DPYSL3: variants seen among roughly 807,000 people sequenced by gnomAD.
DPYSL3 encodes the protein dihydropyrimidinase-related protein 3.
In DPYSL3, 16 loss-of-function variants were observed where a neutral mutation model predicts 66.1. The ratio of observed to expected loss-of-function variants is 0.24; its 90% CI spans 0.16 to 0.37. The LOEUF is 0.37. Ranked by LOEUF, DPYSL3 falls within the 10% of genes least tolerant of loss-of-function variation. The pLI, the probability that DPYSL3 is intolerant of heterozygous loss-of-function variation, is 1.00. For missense variants in DPYSL3, 738 were observed against 916.2 expected (o/e 0.81, Z 2.51); for synonymous variants, 338 against 345.1 (o/e 0.98, Z 0.23).
Position 147,509,672 on chromosome 5 carries a change from T to C in DPYSL3, c.187A>G (p.Lys63Glu). 6.5e-7 allele frequency: 1 copy of C among 1,535,814 alleles called. No individual in the cohort carries two copies. The highest frequency in any genetic ancestry group is 8.7e-7 in the Non-Finnish European group (1 of 1,146,732). The change falls in exon 1 of 14, where the codon AAG (lysine) becomes GAG (glutamate). Residue 63 changes from lysine (K) to glutamate (E), a missense_variant. Transcript: ENST00000343218. The surrounding 1 kb of genome is among the most constrained non-coding windows in gnomAD (Gnocchi z 5.3). ...DALSVGQRGA[K>E]TPRSGQGSDR... ...CTGCCCTGGCCGCTCCGAGGAGTCT[T>C]CGCGCCCCGCTGCCCCACGCTGAGG...
intron 1 of DPYSL3, among the ~76,000 whole-genome samples, chr5:147,442,801 G>A (rs574341332): frequency 1.3e-4 from 20 of 151,480 alleles, no homozygotes; most frequent in Admixed American, 6.6e-4. Context: ...ATAAAACAGC[G>A]TAAACAATAT....
intron 1 of DPYSL3, among the ~76,000 whole-genome samples, chr5:147,451,025 A>T (rs951059552): frequency 1.3e-4 from 20 of 152,254 alleles, no homozygotes; most frequent in Non-Finnish European, 4.4e-5. Flanking sequence ...TTACAACTAT[A>T]TCTAGAAAAG....
At chr5:147,400,274 G>A (rs562586935) in intron 10 of DPYSL3, among the ~76,000 whole-genome samples, 49 of 152,196 alleles carry the variant, frequency 3.2e-4, no homozygotes, top group Admixed American at 1.2e-3. Flanking sequence ...CTCAGTACAG[G>A]GCGTCCTTGA....
chr5:147,466,856 G>A (rs1581208158), intron 1 of DPYSL3, among the ~76,000 whole-genome samples: 1 of 152,260 alleles, frequency 6.6e-6, no homozygotes, highest in African/African-American at 2.4e-5. Flanking sequence ...TCCGTTTTGC[G>A]GGGGAAAGTA....
At position 147,424,929 on chromosome 5, in the gene DPYSL3, A is replaced by G; in HGVS notation, c.416T>C (p.Val139Ala). 1 of 1,613,406 alleles carries G rather than the reference A, an allele frequency of 6.2e-7. No individual in the cohort carries two copies. Among genetic ancestry groups the G allele is most frequent in the Non-Finnish European group, 8.5e-7 (1 of 1,179,624 alleles). The part of the protein sequence containing the change: ...DRLLIKGGRI[V>A]NDDQSFYADI... ...AGCATAAAAGGACTGATCATCATTG[A>G]CGATTCTGCCTCCCTTGATAAGGAG... Residue 139 changes from valine to alanine, a missense_variant, in exon 2 of 14, where the codon GTC becomes GCC. Val to Ala is a moderately conservative substitution (Grantham distance 64). Coordinates refer to ENST00000343218, the MANE Select transcript of DPYSL3 (RefSeq NM_001197294.2).
intron 1 of DPYSL3, among the ~76,000 whole-genome samples, chr5:147,497,893 C>G (rs1753544867): frequency 6.6e-6 from 1 of 151,630 alleles, no homozygotes; most frequent in African/African-American, 2.4e-5. Context: ...ATCCTTCCTT[C>G]CCTTCTCTCT....
chr5:147,502,836 A>G (rs1003769933), intron 1 of DPYSL3, among the ~76,000 whole-genome samples: 1 of 152,240 alleles, frequency 6.6e-6, no homozygotes, highest in East Asian at 1.9e-4. Flanking sequence ...TTGCCCTCCC[A>G]AAGTGCTGGG....
In DPYSL3 at chr5:147,418,447, T is replaced by G; in HGVS notation, c.655A>C (p.Ile219Leu). Residue 219 changes from isoleucine to leucine, a missense_variant and splice_region_variant, in exon 3 of 14, where the codon ATT becomes CTT. Coordinates refer to ENST00000343218, the MANE Select transcript of DPYSL3 (RefSeq NM_001197294.2). ...AALAGGTTMI[I>L]DHVVPEPESS... ...GAGTGTGTAAAATATGAAGACTTAC[T>G]GATCATGGTGGTGCCACCTGCTAAG... is the stretch of plus-strand genomic sequence containing the variant. 1 of 1,600,610 alleles carries G rather than the reference T, an allele frequency of 6.2e-7. No homozygotes were observed. The highest frequency in any genetic ancestry group is 8.5e-7 in the Non-Finnish European group (1 of 1,172,376).
At chr5:147,429,185 C>T (rs1752261024) in intron 1 of DPYSL3, among the ~76,000 whole-genome samples, 1 of 152,110 alleles carries the variant, frequency 6.6e-6, no homozygotes, top group African/African-American at 2.4e-5. Flanking sequence ...GTTTCTGGAA[C>T]CCAAAATGAA....
chr5:147,399,841 G>A (rs1387026124), intron 10 of DPYSL3, among the ~76,000 whole-genome samples: 1 of 152,158 alleles, frequency 6.6e-6, no homozygotes, highest in East Asian at 1.9e-4. Context: ...CATACGTACT[G>A]CTCTGCAGTA....
chr5:147,448,040 T>C (rs1283834932), intron 1 of DPYSL3, among the ~76,000 whole-genome samples: 1 of 152,086 alleles, frequency 6.6e-6, no homozygotes, highest in Non-Finnish European at 1.5e-5. Flanking sequence ...CCCTATAAAA[T>C]ATGTCAATAG....
chr5:147,418,670 G>A lies in DPYSL3; in HGVS notation c.471-39C>T, dbSNP rs566333412. 224 of 1,523,898 alleles carry A rather than the reference G, an allele frequency of 1.5e-4. 1 individual carries two copies. The South Asian group carries it at 2.6e-3, about 18-fold the overall frequency. The allele number at this position is 1,523,898 out of a possible 1,614,324, so 94.4% of individuals were successfully genotyped here. On this transcript the variant is annotated intron_variant, in intron 2 of 13. Coordinates refer to ENST00000343218, the MANE Select transcript of DPYSL3 (RefSeq NM_001197294.2). ...CAAACAAAAAAATGATCAAACACTT[G>A]GTCATTTAAAAGTGCAATTTCCAAG...
intron 1 of DPYSL3, among the ~76,000 whole-genome samples, chr5:147,443,396 C>T (rs888027180): frequency 1.2e-4 from 18 of 152,006 alleles, no homozygotes; most frequent in African/African-American, 3.1e-4. Flanking sequence ...AACCAGACAC[C>T]GCATGTTCTC....
chr5:147,471,804 G>C (rs1753089025), intron 1 of DPYSL3, among the ~76,000 whole-genome samples: 1 of 152,132 alleles, frequency 6.6e-6, no homozygotes, highest in Non-Finnish European at 1.5e-5. Flanking sequence ...TCTATAACAA[G>C]AGCGTGAGAG....
intron 1 of DPYSL3, among the ~76,000 whole-genome samples, chr5:147,469,057 G>A (rs1335165115): frequency 6.6e-6 from 1 of 152,102 alleles, no homozygotes; most frequent in African/African-American, 2.4e-5. Context: ...CCACCACCAG[G>A]GACAGAATGG....
At chr5:147,405,361 T>G (rs1476207639) in intron 8 of DPYSL3, among the ~76,000 whole-genome samples, 5 of 152,196 alleles carry the variant, frequency 3.3e-5, no homozygotes, top group Admixed American at 3.3e-4. Context: ...ATGCACAAAG[T>G]CTCAGAAGAA....
intron 2 of DPYSL3, among the ~76,000 whole-genome samples, chr5:147,423,965 G>A (rs764044146): frequency 4.8e-4 from 73 of 152,160 alleles, no homozygotes; most frequent in Non-Finnish European, 7.9e-4. Context: ...TGATCTGTCC[G>A]CCTCGGCCTC....
chr5:147,445,255 A>G (rs890527107), intron 1 of DPYSL3, among the ~76,000 whole-genome samples: 1 of 152,234 alleles, frequency 6.6e-6, no homozygotes, highest in Non-Finnish European at 1.5e-5. Context: ...CAAGTGATGG[A>G]TGGACTTTCT....
intron 1 of DPYSL3, among the ~76,000 whole-genome samples, chr5:147,494,512 A>G (rs1374320702): frequency 6.6e-6 from 1 of 151,928 alleles, no homozygotes; most frequent in African/African-American, 2.4e-5. Flanking sequence ...GAAAAGATAC[A>G]AATTACTAAT....
Sources: gnomAD v4.1 joint callset for allele counts (sites outside exome capture counted in the v4.1 genomes callset) on GRCh38, gnomAD v4.1.1 for gene constraint, Gnocchi (gnomAD v3.1) non-coding constraint, MANE v1.5 for transcripts, NCBI Gene and HGNC (gene_info 2026-07-23, HGNC 2026-07-21) for gene names.